ARHGAP26: variants seen among roughly 807,000 people sequenced by gnomAD.
ARHGAP26 encodes the protein Rho GTPase activating protein 26.
ARHGAP26 carries 38 observed loss-of-function variants against 104.8 expected under a neutral mutation model. That is an observed-to-expected ratio of 0.36 (90% CI 0.28 to 0.48). The LOEUF is 0.48. Ranked by LOEUF, ARHGAP26 falls within the 20% of genes least tolerant of loss-of-function variation. ARHGAP26 has a pLI of 0.99. For synonymous variants in ARHGAP26, 341 were observed against 340.0 expected (o/e 1.00, Z -0.03); for missense variants, 704 against 947.9 (o/e 0.74, Z 3.38).
intron 19 of ARHGAP26, among the ~76,000 whole-genome samples, chr5:143,145,163 A>G (rs959090238): frequency 1.3e-5 from 2 of 152,238 alleles, no homozygotes; most frequent in African/African-American, 2.4e-5. Flanking sequence ...TTTTAGAAAG[A>G]CGAATATACT....
At chr5:142,890,151 A>AATATATATATAT (rs752591382) in intron 5 of ARHGAP26, among the ~76,000 whole-genome samples, 33 of 32,404 alleles carry the variant, frequency 1.0e-3, no homozygotes, top group Admixed American at 1.5e-3. Flanking sequence ...AAAAAAAAAA[A>AATATATATATAT]ATATATATAT....
intron 12 of ARHGAP26, among the ~76,000 whole-genome samples, chr5:143,029,392 G>GTTTTTTTTTTTT (rs536919888): frequency 3.7e-5 from 3 of 80,846 alleles, no homozygotes; most frequent in African/African-American, 4.4e-5. Flanking sequence ...TTACTTCTCA[G>GTTTTTTTTTTTT]TTTTTTTTTT....
chr5:142,815,790 T>C (rs1041245824), intron 1 of ARHGAP26, among the ~76,000 whole-genome samples: 6 of 152,134 alleles, frequency 3.9e-5, no homozygotes, highest in African/African-American at 1.4e-4. Context: ...GTGCTACTGC[T>C]GCTCTTTTCT....
intron 11 of ARHGAP26, among the ~76,000 whole-genome samples, chr5:142,963,309 G>T (rs1473848531): frequency 1.3e-5 from 2 of 151,004 alleles, no homozygotes. Flanking sequence ...TAATAGTGCT[G>T]CAGTGAACAT....
chr5:142,936,632 T>TAAA (rs1282367784), intron 11 of ARHGAP26, among the ~76,000 whole-genome samples: 1 of 152,200 alleles, frequency 6.6e-6, no homozygotes, highest in Non-Finnish European at 1.5e-5. Flanking sequence ...ACTTTCTTTT[T>TAAA]AGTGACAGTA....
intron 20 of ARHGAP26, among the ~76,000 whole-genome samples, chr5:143,196,882 C>T (rs1034671430): frequency 6.6e-6 from 1 of 152,104 alleles, no homozygotes; most frequent in African/African-American, 2.4e-5. Flanking sequence ...CTCAACAGCA[C>T]CCCAGATGTT....
chr5:143,007,516 G>C (rs1778166333), intron 11 of ARHGAP26, among the ~76,000 whole-genome samples: 1 of 152,176 alleles, frequency 6.6e-6, no homozygotes, highest in Non-Finnish European at 1.5e-5. Context: ...CCTCTTTTGA[G>C]TTCTTTGTTA....
intron 4 of ARHGAP26, among the ~76,000 whole-genome samples, chr5:142,882,245 G>T (rs925042259): frequency 6.6e-6 from 1 of 152,280 alleles, no homozygotes; most frequent in Middle Eastern, 3.4e-3. Context: ...TAAAATGGGG[G>T]TAATAATAAA....
At chr5:143,007,708 T>G (rs1187698103) in intron 11 of ARHGAP26, among the ~76,000 whole-genome samples, 1 of 152,248 alleles carries the variant, frequency 6.6e-6, no homozygotes, top group Non-Finnish European at 1.5e-5. Flanking sequence ...GCAGGTGTAG[T>G]ACCCCATAGG....
intron 12 of ARHGAP26, among the ~76,000 whole-genome samples, chr5:143,029,841 G>A (rs1294841011): frequency 6.6e-6 from 1 of 152,132 alleles, no homozygotes; most frequent in Non-Finnish European, 1.5e-5. Flanking sequence ...AAAAAATTCA[G>A]ACTAGGAAAA....
intron 1 of ARHGAP26, among the ~76,000 whole-genome samples, chr5:142,845,816 T>C (rs934592966): frequency 1.3e-5 from 2 of 152,130 alleles, no homozygotes; most frequent in African/African-American, 4.8e-5. Context: ...TAGACTAAGC[T>C]CTGAGTCCCC....
intron 1 of ARHGAP26, among the ~76,000 whole-genome samples, chr5:142,788,488 A>G (rs576362727): frequency 2.0e-5 from 3 of 152,338 alleles, no homozygotes; most frequent in East Asian, 3.9e-4. Flanking sequence ...TACTAATAGT[A>G]CAGTTGACCA....
chr5:143,186,980 A>G lies in ARHGAP26; in HGVS notation c.1989-20218A>G, dbSNP rs570816247. Among the ~76,000 whole-genome samples, 23 of 152,368 alleles carry G rather than the reference A, an allele frequency of 1.5e-4. No homozygotes were observed. The South Asian group carries it at 4.8e-3, about 32-fold the overall frequency. On this transcript the variant is annotated intron_variant, in intron 20 of 22. Coordinates refer to ENST00000645722, the MANE Select transcript of ARHGAP26 (RefSeq NM_001135608.3). The stretch of plus-strand genomic sequence containing the variant: ...TTAAATCTACTCTTCATTTTAAAAT[A>G]AAAGCAGCATTTTTTCAGGACAAGC...
chr5:143,124,832 G>A (rs55662035), intron 18 of ARHGAP26, among the ~76,000 whole-genome samples: 17,529 of 152,206 alleles, frequency 0.12, 1,158 homozygotes, highest in East Asian at 0.21. Context: ...TCTCTGCAGG[G>A]GATCTATGGT....
chr5:142,979,023 C>G (rs1220575610), intron 11 of ARHGAP26, among the ~76,000 whole-genome samples: 2 of 152,104 alleles, frequency 1.3e-5, no homozygotes, highest in Admixed American at 1.3e-4. Context: ...AATGTGTGGA[C>G]TTGGGTTGGG....
At chr5:142,790,285 C>G (rs1025990087) in intron 1 of ARHGAP26, among the ~76,000 whole-genome samples, 2 of 152,128 alleles carry the variant, frequency 1.3e-5, no homozygotes, top group African/African-American at 4.8e-5. Flanking sequence ...GAATGACCTT[C>G]CATTCTGGGC....
intron 17 of ARHGAP26, among the ~76,000 whole-genome samples, chr5:143,082,890 G>A (rs984014836): frequency 6.6e-6 from 1 of 152,126 alleles, no homozygotes; most frequent in African/African-American, 2.4e-5. Flanking sequence ...GAACGTCACG[G>A]GTTTTTGAGT....
At chr5:143,013,990 A>T in intron 11 of ARHGAP26, 90 bp from the exon 12 acceptor site, 1 of 1,307,806 alleles carries the variant, frequency 7.6e-7, no homozygotes, top group Non-Finnish European at 1.1e-6. Flanking sequence ...GGTGCAAACT[A>T]GGGAAAGTGA....
At chr5:142,876,211 A>C (rs1193089791) in intron 3 of ARHGAP26, among the ~76,000 whole-genome samples, 2 of 152,226 alleles carry the variant, frequency 1.3e-5, no homozygotes, top group Admixed American at 1.3e-4. Flanking sequence ...GTCTTCAGGC[A>C]GCAGTGCTCT....
Sources: gnomAD v4.1 joint callset for allele counts (sites outside exome capture counted in the v4.1 genomes callset) on GRCh38, gnomAD v4.1.1 for gene constraint, MANE v1.5 for transcripts, NCBI Gene and HGNC (gene_info 2026-07-23, HGNC 2026-07-21) for gene names.